The following ABCA12 variants were observed in gnomAD, a reference collection of about 807,000 sequenced individuals.
The protein encoded by ABCA12 is glucosylceramide transporter ABCA12.
Under a neutral mutation model 293.5 loss-of-function variants are expected in ABCA12, and 156 were observed. The observed-to-expected ratio is 0.53, with a 90% CI of 0.47 to 0.61. The LOEUF (loss-of-function observed/expected upper bound fraction) is 0.61, where lower values mean the gene tolerates loss of function less well. Ranked by LOEUF, ABCA12 falls within the 20% of genes least tolerant of loss-of-function variation. ABCA12 has a pLI of 0.00. For synonymous variants in ABCA12, 1,063 were observed against 1,108.0 expected (o/e 0.96, Z 0.81); for missense variants, 2,797 against 3,090.2 (o/e 0.91, Z 2.25).
Position 214,942,897 on chromosome 2 carries a change from TCTGTTAAGCAA to T in ABCA12, c.7436+17_7436+27del. 6.3e-7 allele frequency: 1 copy of T among 1,583,128 alleles called. No individual in the cohort carries two copies. Among genetic ancestry groups the T allele is most frequent in the Non-Finnish European group, 8.7e-7 (1 of 1,153,196 alleles). Reference sequence around the variant, plus strand: ...CCATTAGATAGATGACCCAACACTATCTGTTAAGCAATGCATTTGTTCTTCACCTGCTCTTT... The same window carrying T: ...CCATTAGATAGATGACCCAACACTATTGCATTTGTTCTTCACCTGCTCTTT... On this transcript the variant is annotated intron_variant, in intron 50 of 52. Coordinates refer to ENST00000272895, the MANE Select transcript of ABCA12 (RefSeq NM_173076.3).
At chr2:215,075,156 A>T (rs1414165436) in intron 2 of ABCA12, among the ~76,000 whole-genome samples, 1 of 151,974 alleles carries the variant, frequency 6.6e-6, no homozygotes, top group Non-Finnish European at 1.5e-5. Flanking sequence ...CAGAAGGGAG[A>T]TGGAGGTGTT....
In ABCA12 at chr2:214,989,394, C is replaced by T. The variant is rs781679276; in HGVS notation, c.3764G>A (p.Cys1255Tyr). ...AATGAAAGAGTCAGCTAGGATTAGA[C>T]AGCACAGCCAGCCAAATGAGGTGGT... The part of the protein sequence containing the change: ...DDTTSFGWLC[C>Y]LILADSFIYF... The change falls in exon 26 of 53, where the codon TGT (cysteine) becomes TAT (tyrosine). Residue 1255 changes from cysteine to tyrosine, a missense_variant. By Grantham distance (194) the Cys-to-Tyr change is radical (BLOSUM62 -2). This residue lies in a region of ABCA12 where 2,130 missense variants were observed against 2,427.0 expected (regional missense o/e 0.88). Transcript: ENST00000272895. 6.2e-7 allele frequency: 1 copy of T among 1,613,578 alleles called. No homozygotes were observed. Among genetic ancestry groups the T allele is most frequent in the Non-Finnish European group, 8.5e-7 (1 of 1,179,904 alleles).
At chr2:215,119,734 TAAAAAAAAAAA>T (rs386654995) in intron 1 of ABCA12, among the ~76,000 whole-genome samples, 1 of 75,608 alleles carries the variant, frequency 1.3e-5, no homozygotes, top group Admixed American at 1.4e-4. Flanking sequence ...CATTAAAAAG[TAAAAAAAAAAA>T]AAAAAAATGA....
chr2:215,119,656 T>C (rs951015185), intron 1 of ABCA12, among the ~76,000 whole-genome samples: 1 of 151,438 alleles, frequency 6.6e-6, no homozygotes, highest in South Asian at 2.1e-4. Context: ...TTCTGTTCCA[T>C]TGTTATATGC....
At chr2:214,943,078 A>C in intron 49 of ABCA12, 61 bp from the exon 50 acceptor site, 9 of 1,264,354 alleles carry the variant, frequency 7.1e-6, no homozygotes, top group Non-Finnish European at 9.2e-6. Context: ...GTTGAAGTTC[A>C]TGAGCATAAG....
chr2:214,944,539 C>CTGAT (rs1198296434), intron 49 of ABCA12, among the ~76,000 whole-genome samples: 4 of 151,952 alleles, frequency 2.6e-5, no homozygotes, highest in Non-Finnish European at 5.9e-5. Context: ...TCCAGATTGA[C>CTGAT]TGATAGGAGA....
In ABCA12 at chr2:214,973,968, G is replaced by A. The variant is rs1341477145; in HGVS notation, c.5543C>T (p.Ser1848Phe). 1.2e-6 allele frequency: 2 copies of A among 1,613,924 alleles called. No individual in the cohort carries two copies. The highest frequency in any genetic ancestry group is 1.7e-6 in the Non-Finnish European group (2 of 1,179,906). Reference protein sequence around the residue: ...GEPITNFGVCSCSENVQECPK... With the variant: ...GEPITNFGVCFCSENVQECPK... ...TCTTACCTGGACATTTTCTGAGCAG[G>A]AGCAAACACCAAAATTAGTGATGGG... is the stretch of plus-strand genomic sequence containing the variant. Residue 1848 changes from serine to phenylalanine, a missense_variant, in exon 36 of 53, where the codon TCC becomes TTC. By Grantham distance (155) the Ser-to-Phe change is radical. Coordinates refer to ENST00000272895, the MANE Select transcript of ABCA12 (RefSeq NM_173076.3).
intron 41 of ABCA12, among the ~76,000 whole-genome samples, chr2:214,957,084 G>C (rs547146308): frequency 6.6e-6 from 1 of 152,186 alleles, no homozygotes; most frequent in Non-Finnish European, 1.5e-5. Context: ...GGTTCAGTGA[G>C]AAAGATAAGA....
rs566835579 is a variant in ABCA12, at chr2:214,967,867, A to T, written c.5778+853T>A. ...GACTGTGTATGTCTCTTACTACCAG[A>T]TGAGAAATATGTGTAGACAATTTTA... On this transcript the variant is annotated intron_variant, in intron 38 of 52. Coordinates refer to ENST00000272895, the MANE Select transcript of ABCA12 (RefSeq NM_173076.3). Among the ~76,000 whole-genome samples, 3 of 152,272 alleles carry T rather than the reference A, an allele frequency of 2.0e-5. No homozygotes were observed. In the South Asian group the frequency reaches 6.2e-4, roughly 32 times the overall value.
intron 22 of ABCA12, among the ~76,000 whole-genome samples, chr2:215,000,044 T>A (rs967361192): frequency 2.0e-5 from 3 of 152,212 alleles, no homozygotes; most frequent in African/African-American, 7.2e-5. Flanking sequence ...TTTTTAACCA[T>A]CTACAGAGTG....
intron 39 of ABCA12, among the ~76,000 whole-genome samples, chr2:214,963,444 G>A (rs919770586): frequency 1.3e-5 from 2 of 151,780 alleles, no homozygotes; most frequent in Non-Finnish European, 2.9e-5. Context: ...ACCAAAAAGA[G>A]CCCAGGACCA....
At position 214,981,159 on chromosome 2, in the gene ABCA12, T is replaced by C. The variant is rs140690969; in HGVS notation, c.4580-516A>G. The stretch of plus-strand genomic sequence containing the variant: ...GGGTGTTCTTAAATATTTGGACGCA[T>C]TTTTTTTCATATAAATTAACAGCAA... On this transcript the variant is annotated intron_variant, in intron 30 of 52. Coordinates refer to ENST00000272895, the MANE Select transcript of ABCA12 (RefSeq NM_173076.3). 4.5e-3 allele frequency among the ~76,000 whole-genome samples: 684 copies of C among 151,580 alleles called. 6 individuals are homozygous for C. The highest frequency in any genetic ancestry group is 0.016 in the African/African-American group (653 of 41,294).
chr2:214,955,196 C>A lies in ABCA12; in HGVS notation c.6393+6G>T, dbSNP rs139569530. On this transcript the variant is annotated splice_donor_region_variant and intron_variant, in intron 43 of 52. Transcript: ENST00000272895. ...TTGATAAATTCACTGAAATAAGGGA[C>A]CTTACCGGATCATTAGGCTTTTCCT... The A allele has an allele frequency of 3.9e-4, 624 of 1,613,884 alleles. 4 individuals are homozygous for A. The African/African-American group carries it at 7.3e-3, about 19-fold the overall frequency.
In ABCA12 at chr2:214,964,059, G is replaced by T. The variant is rs1285173326; in HGVS notation, c.5884+2789C>A. On this transcript the variant is annotated intron_variant, in intron 39 of 52. Transcript: ENST00000272895. The stretch of plus-strand genomic sequence containing the variant: ...TGCCACAAGTTGGCTTTCATCCCTA[G>T]GATGCAAGGTTGGTTCAACATACAC... 2.0e-5 allele frequency among the ~76,000 whole-genome samples: 3 copies of T among 151,912 alleles called. No individual in the cohort carries two copies. The South Asian group carries it at 6.2e-4, about 32-fold the overall frequency.
In ABCA12 at chr2:214,950,952, G is replaced by A; in HGVS notation, c.6779C>T (p.Thr2260Ile). The A allele has an allele frequency of 6.2e-7, 1 of 1,614,094 alleles. No individual in the cohort carries two copies. Among genetic ancestry groups the A allele is most frequent in the Non-Finnish European group, 8.5e-7 (1 of 1,179,998 alleles). ...EFDLVQLYCL[T>I]KTYQLIHKKI... is the part of the protein sequence containing the mutation. Reference sequence around the variant, plus strand: ...TTTGTGGATAAGTTGGTAGGTCTTTGTGAGACAATAAAGTTGGACCAAGTC... The same window carrying A: ...TTTGTGGATAAGTTGGTAGGTCTTTATGAGACAATAAAGTTGGACCAAGTC... The change falls in exon 45 of 53, where the codon ACA (threonine) becomes ATA (isoleucine). Residue 2260 changes from threonine to isoleucine, a missense_variant. This residue lies in a region of ABCA12 where 2,130 missense variants were observed against 2,427.0 expected (regional missense o/e 0.88). Coordinates refer to ENST00000272895, the MANE Select transcript of ABCA12 (RefSeq NM_173076.3).
rs750031875 is a variant in ABCA12 at position 215,111,621 on chromosome 2, A to T, written c.139T>A (p.Phe47Ile). The stretch of plus-strand genomic sequence containing the variant: ...CAAGTTGGTTTTGCAGTTGGAGGAA[A>T]TTTGGTCCGAGTAATAGCCAAAATT... Reference protein sequence around the residue: ...FIILAITRTKFPPTAKPTCYL... With the variant: ...FIILAITRTKIPPTAKPTCYL... The change falls in exon 2 of 53, where the codon TTT becomes ATT. Residue 47 changes from phenylalanine to isoleucine, a missense_variant. This residue lies in a region of ABCA12 where 656 missense variants were observed against 638.2 expected (regional missense o/e 1.03). Transcript: ENST00000272895. 6.2e-7 allele frequency: 1 copy of T among 1,613,232 alleles called. No individual in the cohort carries two copies. Among genetic ancestry groups the T allele is most frequent in the Non-Finnish European group, 8.5e-7 (1 of 1,179,446 alleles).
In ABCA12 at chr2:214,953,935, A is replaced by G. The variant is rs201456527; in HGVS notation, c.6566T>C (p.Met2189Thr). The G allele has an allele frequency of 1.2e-6, 2 of 1,614,090 alleles. No individual in the cohort carries two copies. Among genetic ancestry groups the G allele is most frequent in the South Asian group, 1.1e-5 (1 of 91,080 alleles). ...ETFEMNKLGA[M>T]FVALVSQGTM... is the part of the protein sequence containing the mutation. The stretch of plus-strand genomic sequence containing the variant: ...GCCCTGAGAAACCAAAGCCACAAAC[A>G]TTGCACCTAGTTTATTCATCTCAAA... Residue 2189 changes from methionine (M) to threonine (T), a missense_variant, in exon 44 of 53, where the codon ATG becomes ACG. By Grantham distance (81) the Met-to-Thr change is moderately conservative. Coordinates refer to ENST00000272895, the MANE Select transcript of ABCA12 (RefSeq NM_173076.3).
At chr2:215,089,874 A>T (rs1702106588) in intron 2 of ABCA12, among the ~76,000 whole-genome samples, 1 of 152,204 alleles carries the variant, frequency 6.6e-6, no homozygotes, top group Non-Finnish European at 1.5e-5. Flanking sequence ...TTTGACTAAG[A>T]AGCAACTAAT....
Position 214,968,756 on chromosome 2 carries a change from A to T in ABCA12, c.5742T>A (p.Asp1914Glu). 3 of 1,613,404 alleles carry T rather than the reference A, an allele frequency of 1.9e-6. No homozygotes were observed. Among genetic ancestry groups the T allele is most frequent in the Admixed American group, 3.3e-5 (2 of 59,990 alleles). Residue 1914 changes from aspartate (D) to glutamate (E), a missense_variant, in exon 38 of 53, where the codon GAT (aspartate) becomes GAA (glutamate). Coordinates refer to ENST00000272895, the MANE Select transcript of ABCA12 (RefSeq NM_173076.3). ...GLPLTKDLRFDITGVPANRTL... is the reference protein window; with the variant it reads ...GLPLTKDLRFEITGVPANRTL... ...TTCTATTGGCAGGGACTCCTGTTAT[A>T]TCAAAACGAAGGTCTTTTGTCAAAG...
Sources: allele counts gnomAD v4.1 joint callset (sites outside exome capture counted in the v4.1 genomes callset), GRCh38; gene constraint gnomAD v4.1.1; regional missense constraint gnomAD v4.1.1; transcripts MANE v1.5; gene names NCBI Gene and HGNC (gene_info 2026-07-23, HGNC 2026-07-21).